Variants in SRRM3 observed in about 807,000 individuals in gnomAD.
SRRM3 encodes the protein serine/arginine repetitive matrix 3.
SRRM3 carries 27 observed loss-of-function variants against 66.2 expected under a neutral mutation model. The observed-to-expected ratio is 0.41, with a 90% CI of 0.30 to 0.56. The LOEUF (loss-of-function observed/expected upper bound fraction) is 0.56, where lower values mean the gene tolerates loss of function less well. SRRM3 is among the 20% of genes least tolerant of loss of function. The pLI, the probability that SRRM3 is intolerant of heterozygous loss-of-function variation, is 0.32. For missense variants in SRRM3, 918 were observed against 991.9 expected, an observed-to-expected ratio of 0.93 and a Z score of 1.00; for synonymous variants, 391 against 414.9, an observed-to-expected ratio of 0.94 and a Z score of 0.70.
intron 12 of SRRM3, among the ~76,000 whole-genome samples, chr7:76,282,268 A>G (rs1583946581): frequency 9.0e-5 from 1 of 11,138 alleles, no homozygotes; most frequent in African/African-American, 4.3e-4. Flanking sequence ...CCAACCCCCC[A>G]GGGAGCTCCC....
chr7:76,212,069 G>C (rs1316876057), intron 1 of SRRM3, among the ~76,000 whole-genome samples: 1 of 151,224 alleles, frequency 6.6e-6, no homozygotes, highest in African/African-American at 2.4e-5. Flanking sequence ...GCCCAGGCTG[G>C]TCTTGAACTC....
intron 11 of SRRM3, among the ~76,000 whole-genome samples, chr7:76,276,414 C>A (rs1802349320): frequency 6.6e-6 from 1 of 152,086 alleles, no homozygotes; most frequent in African/African-American, 2.4e-5. Flanking sequence ...CCACGGCAGC[C>A]CCCTGGCTAG....
intron 2 of SRRM3, among the ~76,000 whole-genome samples, chr7:76,243,730 C>T (rs1295430546): frequency 4.6e-5 from 7 of 152,198 alleles, no homozygotes; most frequent in East Asian, 1.9e-4. Context: ...TTCCCACCCA[C>T]CTGGCCCAGG....
intron 14 of SRRM3, among the ~76,000 whole-genome samples, chr7:76,283,967 G>A (rs1044075954): frequency 9.2e-5 from 14 of 152,196 alleles, no homozygotes; most frequent in Admixed American, 3.3e-4. Flanking sequence ...TTGGGAGATC[G>A]GTGTGCCTCT....
At chr7:76,266,264 T>TAAATATTTA (rs1563635066) in intron 10 of SRRM3, among the ~76,000 whole-genome samples, 4 of 62,118 alleles carry the variant, frequency 6.4e-5, no homozygotes, top group African/African-American at 2.0e-4. Context: ...TTTAATATAT[T>TAAATATTTA]TATATTTAAT....
intron 11 of SRRM3, among the ~76,000 whole-genome samples, chr7:76,272,245 T>C (rs183802825): frequency 2.1e-4 from 32 of 152,244 alleles, no homozygotes; most frequent in Admixed American, 2.0e-3. Flanking sequence ...CTGCTCACCT[T>C]AGAAGTCTCT....
At chr7:76,258,975 C>A (rs576443078) in intron 3 of SRRM3, among the ~76,000 whole-genome samples, 1 of 151,282 alleles carries the variant, frequency 6.6e-6, no homozygotes, top group East Asian at 2.0e-4. Context: ...ACCCAGGAAG[C>A]GGAGGTTGCA....
In SRRM3 at chr7:76,267,308, C is replaced by G; in HGVS notation, c.881C>G (p.Ser294Cys). ...GGGCGAAAGACGGGCAGCCAGCGGT[C>G]CAGCGGAAGCCGGTCGCCTTCCCCG... ...DEGRKTGSQR[S>C]SGSRSPSPSG... Residue 294 changes from serine to cysteine, a missense_variant, in exon 11 of 15, where the codon TCC (serine) becomes TGC (cysteine). By Grantham distance (112) the Ser-to-Cys change is moderately radical. Transcript: ENST00000611745. 1 of 1,551,120 alleles carries G rather than the reference C, an allele frequency of 6.4e-7. No homozygotes were observed. Among genetic ancestry groups the G allele is most frequent in the South Asian group, 1.2e-5 (1 of 84,620 alleles).
chr7:76,235,242 G>A lies in SRRM3; in HGVS notation c.176G>A (p.Arg59His). Residue 59 changes from arginine (R) to histidine (H), a missense_variant, in exon 2 of 15, where the codon CGC becomes CAC. By Grantham distance (29) the Arg-to-His change is conservative (BLOSUM62 0). Transcript: ENST00000611745. ...RAHREILDHE[R>H]KRRVELKCME... ...CACCGCGAGATCCTGGACCACGAGC[G>A]CAAGCGGCGGGTGGAGCTCAAGTGC... is the stretch of plus-strand genomic sequence containing the variant. 6.4e-7 allele frequency: 1 copy of A among 1,552,608 alleles called. No homozygotes were observed. The highest frequency in any genetic ancestry group is 8.6e-7 in the Non-Finnish European group (1 of 1,157,630).
chr7:76,284,980 G>C (rs1444160948), intron 14 of SRRM3, among the ~76,000 whole-genome samples: 3 of 152,204 alleles, frequency 2.0e-5, no homozygotes, highest in African/African-American at 7.2e-5. Context: ...GGGGAACAGA[G>C]AGGCAGGGCT....
chr7:76,263,877 CAAAAAAAAA>C (rs781852712), intron 8 of SRRM3, among the ~76,000 whole-genome samples: 8,632 of 49,508 alleles, frequency 0.17, 514 homozygotes, highest in East Asian at 0.37. Flanking sequence ...TGTCTCAAGA[CAAAAAAAAA>C]AAAAAAAAAA....
chr7:76,260,374 C>A (rs1241517543), intron 5 of SRRM3, among the ~76,000 whole-genome samples, 177 bp downstream of exon 5: 2 of 146,812 alleles, frequency 1.4e-5, no homozygotes, highest in African/African-American at 5.0e-5. Context: ...TGAACCCACC[C>A]CAGGCCTCAA....
chr7:76,276,494 T>C (rs1331071647), intron 11 of SRRM3, among the ~76,000 whole-genome samples: 2 of 152,098 alleles, frequency 1.3e-5, no homozygotes, highest in Admixed American at 6.6e-5. Flanking sequence ...GCGGACGTGA[T>C]GCAGCCTGGA....
chr7:76,271,739 C>G (rs926345217), intron 11 of SRRM3, among the ~76,000 whole-genome samples: 1 of 152,172 alleles, frequency 6.6e-6, no homozygotes, highest in Non-Finnish European at 1.5e-5. Context: ...AAATGGGAAG[C>G]ACAGTCCACG....
At chr7:76,281,262 GTC>G (rs1236512550) in intron 11 of SRRM3, among the ~76,000 whole-genome samples, 177 bp from the exon 12 acceptor site, 30 of 144,060 alleles carry the variant, frequency 2.1e-4, no homozygotes, top group Admixed American at 6.9e-4. Flanking sequence ...CTGTCTCTCT[GTC>G]TCTCTCTCTC....
chr7:76,206,880 G>A (rs973427400), intron 1 of SRRM3, among the ~76,000 whole-genome samples: 2 of 152,206 alleles, frequency 1.3e-5, no homozygotes, highest in African/African-American at 2.4e-5. Flanking sequence ...GCTGACGGAC[G>A]GTGCCACGGC....
At chr7:76,266,301 T>G (rs189345993) in intron 10 of SRRM3, among the ~76,000 whole-genome samples, 6,213 of 112,338 alleles carry the variant, frequency 0.055, 699 homozygotes, top group African/African-American at 0.21. Flanking sequence ...ATATTTAATA[T>G]AAATATTAAC....
chr7:76,230,231 C>T (rs2116984532), intron 1 of SRRM3, among the ~76,000 whole-genome samples: 1 of 152,310 alleles, frequency 6.6e-6, no homozygotes, highest in East Asian at 1.9e-4. Context: ...TGATTCTCCA[C>T]TAAATACCTA....
intron 1 of SRRM3, among the ~76,000 whole-genome samples, chr7:76,204,013 G>A (rs1298777775): frequency 6.6e-6 from 1 of 152,078 alleles, no homozygotes; most frequent in South Asian, 2.1e-4. Flanking sequence ...CCTGCCAAAG[G>A]GGGGGTCTGG....
Sources: allele counts gnomAD v4.1 joint callset (sites outside exome capture counted in the v4.1 genomes callset), GRCh38; gene constraint gnomAD v4.1.1; transcripts MANE v1.5; gene names NCBI Gene and HGNC (gene_info 2026-07-23, HGNC 2026-07-21).